TBL2: variants seen among roughly 807,000 people sequenced by gnomAD.
TBL2 encodes transducin beta-like protein 2.
A neutral mutation model predicts 41.8 loss-of-function variants in TBL2; 33 were observed. The ratio of observed to expected loss-of-function variants is 0.79; its 90% CI spans 0.60 to 1.06. The LOEUF (loss-of-function observed/expected upper bound fraction) is 1.06, where lower values mean the gene tolerates loss of function less well. Among genes scored for constraint, TBL2 ranks in the 50% least tolerant of loss-of-function variants. The pLI is 0.00. For synonymous variants in TBL2, 239 were observed against 241.7 expected (o/e 0.99, Z 0.10); for missense variants, 522 against 603.8 (o/e 0.86, Z 1.42).
At chr7:73,571,400 A>T in intron 5 of TBL2, 59 bp from the exon 6 acceptor site, 1 of 1,603,870 alleles carries the variant, frequency 6.2e-7, no homozygotes, top group Admixed American at 1.7e-5. Context: ...GTTCCTGTAA[A>T]ACCCCTCAAT....
In TBL2 at chr7:73,568,126, G is replaced by T. The variant is rs1160924669; in HGVS notation, c.*2381C>A. On this transcript the variant is annotated 3_prime_UTR_variant, in exon 7 of 7. Coordinates refer to ENST00000305632, the MANE Select transcript of TBL2 (RefSeq NM_012453.4). ...TACAAAACCACAATGGAGACTGGGA[G>T]TGGGAAGATGCGCGGAGAAGATACT... 2.6e-5 allele frequency among the ~76,000 whole-genome samples: 4 copies of T among 152,220 alleles called. No homozygotes were observed. Among genetic ancestry groups the T allele is most frequent in the African/African-American group, 9.7e-5 (4 of 41,442 alleles).
chr7:73,571,251 G>T lies in TBL2; in HGVS notation c.816C>A (p.Ala272=). 1.2e-6 allele frequency: 2 copies of T among 1,614,214 alleles called. No homozygotes were observed. The highest frequency in any genetic ancestry group is 1.7e-6 in the Non-Finnish European group (2 of 1,180,044). The change falls in exon 6 of 7, where the codon GCC becomes GCA. Residue 272 remains alanine, a synonymous_variant. Transcript: ENST00000305632. ...KKGEFQEVVR[A]FELKGHSAAV... is the part of the protein sequence containing the mutation. ...CCGCGGAGTGGCCCTTTAGTTCGAA[G>T]GCTCGCACCACCTCCTGGAACTCCC...
At chr7:73,576,010 C>T (rs1034163700) in intron 1 of TBL2, among the ~76,000 whole-genome samples, 1 of 151,418 alleles carries the variant, frequency 6.6e-6, no homozygotes, top group Non-Finnish European at 1.5e-5. Flanking sequence ...CCAGCCTAGG[C>T]GACAGAGTGA....
Position 73,578,529 on chromosome 7 carries a change from C to T in TBL2, c.21G>A (p.Ser7=), listed in dbSNP as rs782817979. Reference sequence around the variant, plus strand: ...GCAACACCGACAGCCCCATGAGCTCCGACATCTGCGAGAGCTCCATGTTGG... The same window carrying T: ...GCAACACCGACAGCCCCATGAGCTCTGACATCTGCGAGAGCTCCATGTTGG... The part of the protein sequence containing the change: MELSQM[S]ELMGLSVLLG... Residue 7 remains serine (S), a synonymous_variant, in exon 1 of 7, where the codon TCG becomes TCA. Transcript: ENST00000305632. 34 of 1,593,700 alleles carry T rather than the reference C, an allele frequency of 2.1e-5. No individual in the cohort carries two copies. Among genetic ancestry groups the T allele is most frequent in the Non-Finnish European group, 2.8e-5 (33 of 1,171,958 alleles).
At position 73,569,420 on chromosome 7, in the gene TBL2, AC is replaced by A. The variant is rs1234479782; in HGVS notation, c.*1086del. 3.9e-5 allele frequency: 6 copies of A among 151,926 alleles called. No individual in the cohort carries two copies. Among genetic ancestry groups the A allele is most frequent in the Non-Finnish European group, 8.8e-5 (6 of 67,936 alleles). 9.4% of individuals were successfully genotyped at this position (151,926 alleles called of 1,614,324 possible). A position where few individuals can be genotyped will look rare whatever the true frequency, so the allele number is the denominator to read the frequency against. ...TGCCTACACTCAAGCCTTCCCAGAT[AC>A]CTCATTTCCCTTACCTGCCACACCC... On this transcript the variant is annotated 3_prime_UTR_variant, in exon 7 of 7. Transcript: ENST00000305632.
rs1472950047 is a variant in TBL2, at chr7:73,568,438, C to T, written c.*2069G>A. On this transcript the variant is annotated 3_prime_UTR_variant, in exon 7 of 7. Transcript: ENST00000305632. ...TTCTGCTGGATTCCTGAATAAGTAG[C>T]AGCCACCCCCCATCCTGCAGGCAGG... Among the ~76,000 whole-genome samples the T allele has an allele frequency of 2.6e-5, 4 of 152,166 alleles. No individual in the cohort carries two copies. The highest frequency in any genetic ancestry group is 2.6e-4 in the Admixed American group (4 of 15,272).
Position 73,571,176 on chromosome 7 carries a change from C to T in TBL2, c.878+13G>A, listed in dbSNP as rs782098864. ...AAGAGCCACTGGTCAGACATCAGAG[C>T]GGATTCACTCACCTCCGTGAGTCGT... On this transcript the variant is annotated intron_variant, in intron 6 of 6. Transcript: ENST00000305632. 142 of 1,613,952 alleles carry T rather than the reference C, an allele frequency of 8.8e-5. No individual in the cohort carries two copies. The highest frequency in any genetic ancestry group is 3.3e-5 in the South Asian group (3 of 91,078).
chr7:73,570,605 G>T lies in TBL2; in HGVS notation c.1246C>A (p.Leu416Met), dbSNP rs1554587176. The T allele has an allele frequency of 1.2e-6, 2 of 1,613,226 alleles. No individual in the cohort carries two copies. The highest frequency in any genetic ancestry group is 1.7e-6 in the Non-Finnish European group (2 of 1,179,796). Reference protein sequence around the residue: ...RAMVEEMQGHLKRASNESTRQ... With the variant: ...RAMVEEMQGHMKRASNESTRQ... ...GTGCTCTCGTTGGAGGCCCGCTTCAGGTGGCCCTGCATCTCCTCCACCATG... is the reference window on the plus strand; with the variant it reads ...GTGCTCTCGTTGGAGGCCCGCTTCATGTGGCCCTGCATCTCCTCCACCATG... The change falls in exon 7 of 7, where the codon CTG (leucine) becomes ATG (methionine). Residue 416 changes from leucine to methionine, a missense_variant. Transcript: ENST00000305632.
intron 1 of TBL2, chr7:73,576,823 G>A (rs1793352242): frequency 4.9e-6 from 2 of 404,584 alleles, no homozygotes; most frequent in Admixed American, 2.9e-5. Context: ...GCCTTCTCGG[G>A]TATTGCCATT....
At chr7:73,572,704 G>A in intron 5 of TBL2, 140 bp downstream of exon 5, 1 of 1,152,064 alleles carries the variant, frequency 8.7e-7, no homozygotes. Context: ...TGCAAGTGGG[G>A]AGAGCTGAGA....
Position 73,570,815 on chromosome 7 carries a change from A to G in TBL2, c.1036T>C (p.Leu346=), listed in dbSNP as rs782610688. 2 of 1,614,020 alleles carry G rather than the reference A, an allele frequency of 1.2e-6. No individual in the cohort carries two copies. The highest frequency in any genetic ancestry group is 1.7e-5 in the Admixed American group (1 of 60,036). The change falls in exon 7 of 7, where the codon TTG becomes CTG. Residue 346 remains leucine, a synonymous_variant. Transcript: ENST00000305632. ...RLALSPNAQV[L]ALASGSSIHL... ...ATACTACTGCCACTGGCCAAGGCCAAGACCTGGGCGTTGGGGGAGAGGGCC... is the reference window on the plus strand; with the variant it reads ...ATACTACTGCCACTGGCCAAGGCCAGGACCTGGGCGTTGGGGGAGAGGGCC...
chr7:73,571,134 G>A, intron 6 of TBL2, 55 bp downstream of exon 6: 2 of 1,610,000 alleles, frequency 1.2e-6, no homozygotes, highest in South Asian at 1.1e-5. Flanking sequence ...GAAGGACCCT[G>A]GTTGTCAAGA....
In TBL2 at chr7:73,568,039, C is replaced by T. The variant is rs575417982; in HGVS notation, c.*2468G>A. Among the ~76,000 whole-genome samples the T allele has an allele frequency of 6.6e-6, 1 of 152,260 alleles. No homozygotes were observed. The highest frequency in any genetic ancestry group is 2.4e-5 in the African/African-American group (1 of 41,538). On this transcript the variant is annotated 3_prime_UTR_variant, in exon 7 of 7. Transcript: ENST00000305632. Reference sequence around the variant, plus strand: ...TTTAGTCTCATTCTTCTGACAATTGCCAAGGAAATACTCCTCAGGCCTTGT... The same window carrying T: ...TTTAGTCTCATTCTTCTGACAATTGTCAAGGAAATACTCCTCAGGCCTTGT...
At chr7:73,576,746 C>T (rs1430424242) in intron 1 of TBL2, 2 of 455,976 alleles carry the variant, frequency 4.4e-6, no homozygotes, top group Non-Finnish European at 8.8e-6. Flanking sequence ...TTCCTTCTCT[C>T]CAGGCATGTC....
chr7:73,578,546 C>G lies in TBL2; in HGVS notation c.4G>C (p.Glu2Gln). Residue 2 changes from glutamate (E) to glutamine (Q), a missense_variant, in exon 1 of 7, where the codon GAG becomes CAG. Coordinates refer to ENST00000305632, the MANE Select transcript of TBL2 (RefSeq NM_012453.4). MELSQMSELMGL... is the reference protein window; with the variant it reads MQLSQMSELMGL... ...ATGAGCTCCGACATCTGCGAGAGCTCCATGTTGGTGGAACCACTGCCACCT... is the reference window on the plus strand; with the variant it reads ...ATGAGCTCCGACATCTGCGAGAGCTGCATGTTGGTGGAACCACTGCCACCT... 6.3e-7 allele frequency: 1 copy of G among 1,590,844 alleles called. No individual in the cohort carries two copies. The highest frequency in any genetic ancestry group is 8.5e-7 in the Non-Finnish European group (1 of 1,170,638).
Position 73,578,497 on chromosome 7 carries a change from A to C in TBL2, c.53T>G (p.Leu18Arg). 4 of 1,587,660 alleles carry C rather than the reference A, an allele frequency of 2.5e-6. No individual in the cohort carries two copies. The highest frequency in any genetic ancestry group is 1.1e-5 in the South Asian group (1 of 88,252). The change falls in exon 1 of 7, where the codon CTG becomes CGG. Residue 18 changes from leucine (L) to arginine (R), a missense_variant. Coordinates refer to ENST00000305632, the MANE Select transcript of TBL2 (RefSeq NM_012453.4). Reference protein sequence around the residue: ...ELMGLSVLLGLLALMATAAVA... With the variant: ...ELMGLSVLLGRLALMATAAVA... ...CGCCGCCGTCGCCATCAGGGCCAGCAGCCCAAGCAACACCGACAGCCCCAT... is the reference window on the plus strand; with the variant it reads ...CGCCGCCGTCGCCATCAGGGCCAGCCGCCCAAGCAACACCGACAGCCCCAT...
chr7:73,573,489 A>G lies in TBL2; in HGVS notation c.447-18T>C, dbSNP rs553085433. The stretch of plus-strand genomic sequence containing the variant: ...TGAAGGCTCTAGAGACAGGCAGCAG[A>G]CAAGTCACGCTCTCACTGGACAAAG... On this transcript the variant is annotated intron_variant, in intron 3 of 6. Transcript: ENST00000305632. The G allele has an allele frequency of 6.8e-6, 11 of 1,613,646 alleles. No individual in the cohort carries two copies. In the East Asian group the frequency reaches 8.9e-5, roughly 13 times the overall value.
In TBL2 at chr7:73,578,499, C is replaced by T. The variant is rs374993827; in HGVS notation, c.51G>A (p.Gly17=). ...CCGCCGTCGCCATCAGGGCCAGCAG[C>T]CCAAGCAACACCGACAGCCCCATGA... ...SELMGLSVLL[G]LLALMATAAV... The change falls in exon 1 of 7, where the codon GGG becomes GGA. Residue 17 remains glycine, a synonymous_variant. Coordinates refer to ENST00000305632, the MANE Select transcript of TBL2 (RefSeq NM_012453.4). 105 of 1,591,090 alleles carry T rather than the reference C, an allele frequency of 6.6e-5. No homozygotes were observed. Among genetic ancestry groups the T allele is most frequent in the Middle Eastern group, 5.1e-4 (3 of 5,910 alleles).
rs1342574413 is a variant in TBL2, at chr7:73,569,272, G to T, written c.*1235C>A. 1 of 152,110 alleles carries T rather than the reference G, an allele frequency of 6.6e-6. No individual in the cohort carries two copies. The highest frequency in any genetic ancestry group is 1.5e-5 in the Non-Finnish European group (1 of 68,042). 9.4% of individuals were successfully genotyped at this position (152,110 alleles called of 1,614,324 possible). On this transcript the variant is annotated 3_prime_UTR_variant, in exon 7 of 7. Transcript: ENST00000305632. ...TGGTGGGACAGAAGGGATAATGAAT[G>T]GGGAGTCATCAAGGATAACTCCACG...
Sources: gnomAD v4.1 joint callset for allele counts (sites outside exome capture counted in the v4.1 genomes callset) on GRCh38, gnomAD v4.1.1 for gene constraint, MANE v1.5 for transcripts, NCBI Gene and HGNC (gene_info 2026-07-23, HGNC 2026-07-21) for gene names.